Variants in HORMAD2 observed in about 807,000 individuals in gnomAD.
HORMAD2 encodes the protein HORMA domain-containing protein 2.
Under a neutral mutation model 38.8 loss-of-function variants are expected in HORMAD2, and 45 were observed. The ratio of observed to expected loss-of-function variants is 1.16; its 90% confidence interval spans 0.91 to 1.49. The LOEUF (loss-of-function observed/expected upper bound fraction) is 1.49. HORMAD2 is among the 40% of genes most tolerant of loss of function. HORMAD2 has a pLI of 0.00. For synonymous variants in HORMAD2, 126 were observed against 122.8 expected, an observed-to-expected ratio of 1.03 and a Z score of -0.17; for missense variants, 338 against 367.0, an observed-to-expected ratio of 0.92 and a Z score of 0.65.
chr22:30,084,404 G>A (rs1401777296), intron 1 of HORMAD2, among the ~76,000 whole-genome samples: 1 of 152,144 alleles, frequency 6.6e-6, no homozygotes, highest in Non-Finnish European at 1.5e-5. Context: ...ATCCATTCAT[G>A]AAGGCACCTA....
chr22:30,120,112 T>C (rs1239125457), intron 8 of HORMAD2, among the ~76,000 whole-genome samples: 1 of 152,184 alleles, frequency 6.6e-6, no homozygotes, highest in East Asian at 1.9e-4. Context: ...AAGGCACATA[T>C]GCCAAGAGGT....
At chr22:30,092,359 T>G (rs1014970382) in intron 1 of HORMAD2, among the ~76,000 whole-genome samples, 2 of 151,388 alleles carry the variant, frequency 1.3e-5, no homozygotes, top group African/African-American at 4.8e-5. Flanking sequence ...TTTTTTTTTT[T>G]TTTGGCTTTT....
the HORMAD2 span, among the ~76,000 whole-genome samples, chr22:30,188,041 A>C: frequency 3.9e-5 from 6 of 152,170 alleles, 1 homozygote; most frequent in African/African-American, 1.2e-4. Flanking sequence ...TAGGTGTTGC[A>C]AAAATATAAT....
At chr22:30,104,781 TATGAA>T (rs1372712063) in intron 5 of HORMAD2, among the ~76,000 whole-genome samples, 2 of 152,234 alleles carry the variant, frequency 1.3e-5, no homozygotes, top group Non-Finnish European at 2.9e-5. Context: ...AATTTGCAGA[TATGAA>T]AGGAAAAAAT....
Position 30,176,204 on chromosome 22 carries a change from G to A in HORMAD2, c.*37G>A. ...TCCTTCTACATTTATTTTAAAATAA[G>A]TTTATTTTGTAAAAACATGCATAAA... On this transcript the variant is annotated 3_prime_UTR_variant, in exon 11 of 11. Coordinates refer to ENST00000336726, the MANE Select transcript of HORMAD2 (RefSeq NM_152510.4). The A allele has an allele frequency of 7.6e-7, 1 of 1,319,712 alleles. No individual in the cohort carries two copies. The highest frequency in any genetic ancestry group is 1.1e-6 in the Non-Finnish European group (1 of 926,678). The allele number at this position is 1,319,712 out of a possible 1,614,324, so 81.8% of individuals were successfully genotyped here. A position where few individuals can be genotyped will look rare whatever the true frequency, so the allele number is the denominator to read the frequency against.
chr22:30,098,812 A>G (rs1920925907), intron 2 of HORMAD2, 40 bp from the exon 3 acceptor site: 1 of 1,569,836 alleles, frequency 6.4e-7, no homozygotes, highest in Admixed American at 1.8e-5. Flanking sequence ...TGAATATATT[A>G]AATAATACTA....
intron 10 of HORMAD2, among the ~76,000 whole-genome samples, chr22:30,174,826 C>A (rs1484762448): frequency 6.6e-6 from 1 of 152,086 alleles, no homozygotes; most frequent in East Asian, 1.9e-4. Context: ...TGTGCTTTGA[C>A]TTTTTATGTT....
chr22:30,189,614 G>A, the HORMAD2 span, among the ~76,000 whole-genome samples: 1 of 152,060 alleles, frequency 6.6e-6, no homozygotes, highest in Non-Finnish European at 1.5e-5. Flanking sequence ...CCTGTACCAC[G>A]TACATGGCAC....
chr22:30,106,207 C>G (rs1467888048), intron 5 of HORMAD2, among the ~76,000 whole-genome samples: 1 of 152,108 alleles, frequency 6.6e-6, no homozygotes, highest in African/African-American at 2.4e-5. Flanking sequence ...GATGGGGTTT[C>G]ACCATGTTGG....
At chr22:30,114,381 T>G (rs1211945620) in intron 7 of HORMAD2, among the ~76,000 whole-genome samples, 2 of 152,190 alleles carry the variant, frequency 1.3e-5, no homozygotes, top group Admixed American at 6.5e-5. Context: ...AATTACAATG[T>G]AACTACTACT....
chr22:30,188,986 A>G, the HORMAD2 span, among the ~76,000 whole-genome samples: 1 of 151,944 alleles, frequency 6.6e-6, no homozygotes, highest in Non-Finnish European at 1.5e-5. Flanking sequence ...AAGTACAAAA[A>G]TTAGCCTGTA....
downstream of HORMAD2, among the ~76,000 whole-genome samples, chr22:30,178,525 A>G (rs952576427): frequency 6.6e-6 from 1 of 152,234 alleles, no homozygotes; most frequent in African/African-American, 2.4e-5. Context: ...GCAACCAGCT[A>G]TCAATATTGG....
In HORMAD2 at chr22:30,136,617, C is replaced by CT. The variant is rs58205669; in HGVS notation, c.819+14414dup. On this transcript the variant is annotated intron_variant, in intron 10 of 10. Coordinates refer to ENST00000336726, the MANE Select transcript of HORMAD2 (RefSeq NM_152510.4). ...TAACATTGTGTTTTCTTTTCTTCTT[C>CT]TTTTTTTTTTTCCACAAATAGGGCT... 1.9e-3 allele frequency: 284 copies of CT among 147,364 alleles called. 2 individuals are homozygous for CT. The highest frequency in any genetic ancestry group is 5.3e-3 in the Admixed American group (78 of 14,656). 9.1% of individuals were successfully genotyped at this position (147,364 alleles called of 1,614,324 possible).
At chr22:30,189,757 G>A in the HORMAD2 span, among the ~76,000 whole-genome samples, 288 of 152,216 alleles carry the variant, frequency 1.9e-3, 1 homozygote, top group Non-Finnish European at 3.0e-3. Flanking sequence ...AGCTTAAGCT[G>A]TGAACGTTTG....
At chr22:30,196,351 G>T in the HORMAD2 span, among the ~76,000 whole-genome samples, 1 of 152,132 alleles carries the variant, frequency 6.6e-6, no homozygotes, top group Non-Finnish European at 1.5e-5. Flanking sequence ...CAACCCACTG[G>T]CTTCCTCCTC....
At chr22:30,205,247 A>T in the HORMAD2 span, among the ~76,000 whole-genome samples, 6 of 152,080 alleles carry the variant, frequency 3.9e-5, no homozygotes, top group Non-Finnish European at 8.8e-5. Flanking sequence ...GTGTTACCTA[A>T]GGTCACGGAG....
chr22:30,125,205 C>CTTTTTTTTTTTTTTTTTTTT (rs1569099710), intron 10 of HORMAD2, among the ~76,000 whole-genome samples: 1 of 69,470 alleles, frequency 1.4e-5, no homozygotes, highest in African/African-American at 5.9e-5. Context: ...TTTTCACTTT[C>CTTTTTTTTTTTTTTTTTTTT]TTTTTCTTTT....
chr22:30,198,024 T>TAA, the HORMAD2 span, among the ~76,000 whole-genome samples: 12 of 150,672 alleles, frequency 8.0e-5, no homozygotes, highest in South Asian at 2.1e-4. Context: ...AAAAATATAT[T>TAA]AAAAAAAAAA....
At chr22:30,108,941 T>C (rs1008524017) in intron 5 of HORMAD2, among the ~76,000 whole-genome samples, 2 of 151,082 alleles carry the variant, frequency 1.3e-5, no homozygotes, top group African/African-American at 4.9e-5. Context: ...TCCCTCCTTC[T>C]TTCCTTCCTT....
Sources: gnomAD v4.1 joint callset for allele counts (sites outside exome capture counted in the v4.1 genomes callset) on GRCh38, gnomAD v4.1.1 for gene constraint, MANE v1.5 for transcripts, NCBI Gene and HGNC (gene_info 2026-07-23, HGNC 2026-07-21) for gene names.